INPP5D: variants seen among roughly 807,000 people sequenced by gnomAD.
The protein encoded by INPP5D is inositol polyphosphate-5-phosphatase D.
Under a neutral mutation model 122.9 loss-of-function variants are expected in INPP5D, and 33 were observed. The ratio of observed to expected loss-of-function variants is 0.27; its 90% CI spans 0.20 to 0.36. The LOEUF (loss-of-function observed/expected upper bound fraction) is 0.36, where lower values mean the gene tolerates loss of function less well. INPP5D is among the 10% of genes least tolerant of loss of function. INPP5D has a pLI of 1.00. For synonymous variants in INPP5D, 584 were observed against 576.2 expected, an observed-to-expected ratio of 1.01 and a Z score of -0.19; for missense variants, 1,053 against 1,412.7, an observed-to-expected ratio of 0.75 and a Z score of 4.08.
chr2:233,088,403 C>T (rs540580065), intron 2 of INPP5D, among the ~76,000 whole-genome samples: 8 of 152,316 alleles, frequency 5.3e-5, no homozygotes, highest in South Asian at 4.1e-4. Flanking sequence ...TGCCTTTTGA[C>T]GTCCACGTGA....
At chr2:233,190,636 C>T (rs1695031797) in intron 22 of INPP5D, among the ~76,000 whole-genome samples, 1 of 152,210 alleles carries the variant, frequency 6.6e-6, no homozygotes, top group African/African-American at 2.4e-5. Flanking sequence ...TGGAGGCCCA[C>T]AGCCAGAGAG....
At chr2:233,095,615 CAAAAAAAAAAAAAAA>C (rs59030376) in intron 2 of INPP5D, among the ~76,000 whole-genome samples, 2,625 of 129,114 alleles carry the variant, frequency 0.02, 40 homozygotes, top group African/African-American at 0.047. Context: ...GAAACTGTCT[CAAAAAAAAAAAAAAA>C]AAAAAAAAAA....
chr2:233,125,822 G>T lies in INPP5D; in HGVS notation c.427G>T (p.Val143Phe). The T allele has an allele frequency of 6.2e-7, 1 of 1,613,908 alleles. No individual in the cohort carries two copies. Among genetic ancestry groups the T allele is most frequent in the Non-Finnish European group, 8.5e-7 (1 of 1,179,858 alleles). The change falls in exon 4 of 27, where the codon GTT becomes TTT. Residue 143 changes from valine (V) to phenylalanine (F), a missense_variant. Physicochemically the swap from Val to Phe is conservative, Grantham distance 50 (BLOSUM62 -1). Around this residue, in one of 6 missense-constraint regions of INPP5D, gnomAD observed 196 missense variants for 175.6 expected, o/e 1.12. Transcript: ENST00000445964. ...LTASSCEAKEVPFSNENPRAT... is the reference protein window; with the variant it reads ...LTASSCEAKEFPFSNENPRAT... ...TGCCAGCTCCTGTGAGGCCAAGGAGGTTCCTTTTTCAAACGAGAATCCCCG... is the reference window on the plus strand; with the variant it reads ...TGCCAGCTCCTGTGAGGCCAAGGAGTTTCCTTTTTCAAACGAGAATCCCCG...
intron 2 of INPP5D, among the ~76,000 whole-genome samples, chr2:233,098,324 G>A (rs992221121): frequency 2.6e-5 from 4 of 152,144 alleles, no homozygotes; most frequent in Non-Finnish European, 4.4e-5. Context: ...GACCAGCACC[G>A]TGGATAGGAG....
chr2:233,135,983 C>T (rs1256467593), intron 5 of INPP5D, among the ~76,000 whole-genome samples: 1 of 152,200 alleles, frequency 6.6e-6, no homozygotes, highest in Non-Finnish European at 1.5e-5. Context: ...TAGCCACAAC[C>T]ACCCAATTAC....
intron 17 of INPP5D, among the ~76,000 whole-genome samples, chr2:233,176,456 G>A (rs1413255208): frequency 4.4e-5 from 6 of 137,152 alleles, no homozygotes; most frequent in Non-Finnish European, 8.0e-5. Context: ...TGGGTGGATA[G>A]GTGGATGGAT....
At chr2:233,194,159 ACC>A (rs1204710206) in intron 23 of INPP5D, among the ~76,000 whole-genome samples, 198 bp downstream of exon 23, 1 of 150,632 alleles carries the variant, frequency 6.6e-6, no homozygotes, top group Non-Finnish European at 1.5e-5. Context: ...AACATCCAGC[ACC>A]CCCAGATCAC....
Position 233,204,232 on chromosome 2 carries a change from T to C in INPP5D, c.3082T>C (p.Phe1028Leu). 6.2e-7 allele frequency: 1 copy of C among 1,613,564 alleles called. No individual in the cohort carries two copies. The change falls in exon 26 of 27, where the codon TTC (phenylalanine) becomes CTC (leucine). Residue 1028 changes from phenylalanine to leucine, a missense_variant. Physicochemically the swap from Phe to Leu is conservative, Grantham distance 22. Transcript: ENST00000445964. ...ENPLYGSLSSFPKPAPRKDQE... is the reference protein window; with the variant it reads ...ENPLYGSLSSLPKPAPRKDQE... The stretch of plus-strand genomic sequence containing the variant: ...CCCCCTGTATGGGTCCCTGAGTTCC[T>C]TCCCTAAGCCTGCTCCCAGGAAGGA...
At chr2:233,124,827 C>G (rs753781064) in intron 3 of INPP5D, among the ~76,000 whole-genome samples, 1 of 152,266 alleles carries the variant, frequency 6.6e-6, no homozygotes, top group Non-Finnish European at 1.5e-5. Context: ...CAAACGAGGT[C>G]GCCCAGTTGT....
At chr2:233,178,726 C>T (rs11685096) in intron 18 of INPP5D, among the ~76,000 whole-genome samples, 4,018 of 152,250 alleles carry the variant, frequency 0.026, 71 homozygotes, top group Middle Eastern at 0.041. Context: ...TCAGGTGATC[C>T]ACCCGCCTCA....
intron 1 of INPP5D, among the ~76,000 whole-genome samples, chr2:233,060,971 A>C (rs768141503): frequency 6.6e-6 from 1 of 152,204 alleles, no homozygotes; most frequent in South Asian, 2.1e-4. Context: ...GATCAGCTCA[A>C]AGATGCCCAG....
intron 2 of INPP5D, among the ~76,000 whole-genome samples, chr2:233,115,157 G>A (rs1201688745): frequency 6.6e-6 from 1 of 152,184 alleles, no homozygotes. Context: ...GTGAGCCATC[G>A]CGCCTGGCCT....
chr2:233,140,268 T>C, intron 6 of INPP5D: 1 of 161,230 alleles, frequency 6.2e-6, no homozygotes, highest in East Asian at 1.7e-4. Flanking sequence ...ATGCCTAAAC[T>C]CTTGATCCTG....
At chr2:233,076,631 A>T (rs1691527267) in intron 1 of INPP5D, among the ~76,000 whole-genome samples, 1 of 152,268 alleles carries the variant, frequency 6.6e-6, no homozygotes, top group African/African-American at 2.4e-5. Context: ...AACCTGTTAA[A>T]AATAACTCCA....
chr2:233,116,919 A>G (rs1271830883), intron 2 of INPP5D, among the ~76,000 whole-genome samples: 3 of 152,182 alleles, frequency 2.0e-5, no homozygotes, highest in African/African-American at 7.2e-5. Context: ...TAACAAGTCT[A>G]CTTAAATAAG....
intron 1 of INPP5D, among the ~76,000 whole-genome samples, chr2:233,073,600 A>G (rs904584986): frequency 7.1e-6 from 1 of 140,202 alleles, no homozygotes; most frequent in Non-Finnish European, 1.5e-5. Flanking sequence ...AGATCGAGCC[A>G]TTGCACTCCA....
Position 233,100,494 on chromosome 2 carries a change from A to ACGTTACTCC in INPP5D, c.198+21099_198+21107dup, listed in dbSNP as rs1692279216. Among the ~76,000 whole-genome samples, 1 of 151,962 alleles carries ACGTTACTCC rather than the reference A, an allele frequency of 6.6e-6. No individual in the cohort carries two copies. Among genetic ancestry groups the ACGTTACTCC allele is most frequent in the African/African-American group, 2.4e-5 (1 of 41,368 alleles). ...TACACTGTAAACTCCAAAACAGCCC[A>ACGTTACTCC]CGTTACTCCCGGTGACAATCAGAAT... On this transcript the variant is annotated intron_variant, in intron 2 of 26. Coordinates refer to ENST00000445964, the MANE Select transcript of INPP5D (RefSeq NM_001017915.3). The surrounding 1 kb of genome is among the most constrained non-coding windows in gnomAD (Gnocchi z 5.3).
At chr2:233,124,189 G>A (rs1296024762) in intron 3 of INPP5D, among the ~76,000 whole-genome samples, 1 of 151,852 alleles carries the variant, frequency 6.6e-6, no homozygotes, top group African/African-American at 2.4e-5. Context: ...AGTTGGCCAG[G>A]GCTCTTCCTG....
At chr2:233,173,802 G>A (rs1226174039) in intron 17 of INPP5D, among the ~76,000 whole-genome samples, 1 of 152,070 alleles carries the variant, frequency 6.6e-6, no homozygotes, top group Non-Finnish European at 1.5e-5. Context: ...GCGTAGTGGT[G>A]TGCACCTGTA....
Sources: allele counts gnomAD v4.1 joint callset (sites outside exome capture counted in the v4.1 genomes callset), GRCh38; gene constraint gnomAD v4.1.1; regional missense constraint gnomAD v4.1.1; non-coding constraint Gnocchi (gnomAD v3.1); transcripts MANE v1.5; gene names NCBI Gene and HGNC (gene_info 2026-07-23, HGNC 2026-07-21).